Variants in SORCS2 observed in about 807,000 individuals in gnomAD.
The protein encoded by SORCS2 is sortilin related VPS10 domain containing receptor 2.
In SORCS2, 100 loss-of-function variants were observed where a neutral mutation model predicts 141.6. The observed-to-expected ratio is 0.71, with a 90% CI of 0.60 to 0.83. The LOEUF is 0.83. Ranked by LOEUF, SORCS2 falls within the 40% of genes least tolerant of loss-of-function variation. The probability of loss-of-function intolerance (pLI) is 0.00; values close to 1 mark genes in which losing one functional copy is unlikely to be tolerated. For synonymous variants in SORCS2, 789 were observed against 676.9 expected, an observed-to-expected ratio of 1.17 and a Z score of -2.57; for missense variants, 1,646 against 1,560.2, an observed-to-expected ratio of 1.05 and a Z score of -0.93.
chr4:7,656,328 C>T (rs1022545825), intron 5 of SORCS2, among the ~76,000 whole-genome samples: 10 of 152,074 alleles, frequency 6.6e-5, no homozygotes, highest in Admixed American at 2.6e-4. Context: ...AGTGTCTCCA[C>T]GCCCCAGAAC....
chr4:7,395,192 C>G (rs751795915), intron 1 of SORCS2, among the ~76,000 whole-genome samples: 2 of 140,326 alleles, frequency 1.4e-5, no homozygotes, highest in African/African-American at 2.7e-5. Context: ...CCTCCCTGCT[C>G]AAATCACCAG....
intron 10 of SORCS2, 66 bp from the exon 11 acceptor site, chr4:7,689,420 G>T: frequency 6.8e-7 from 1 of 1,474,972 alleles, no homozygotes; most frequent in Non-Finnish European, 9.2e-7. Flanking sequence ...TTTGTCATCA[G>T]GCTTAGTTTT....
At chr4:7,656,930 T>C (rs1721816001) in intron 5 of SORCS2, among the ~76,000 whole-genome samples, 1 of 152,248 alleles carries the variant, frequency 6.6e-6, no homozygotes, top group Non-Finnish European at 1.5e-5. Flanking sequence ...ACTCACTCCC[T>C]GAGGGCCGCC....
intron 1 of SORCS2, among the ~76,000 whole-genome samples, chr4:7,229,204 C>T (rs916383201): frequency 6.6e-6 from 1 of 152,158 alleles, no homozygotes; most frequent in African/African-American, 2.4e-5. Flanking sequence ...AAGGGTGGCC[C>T]CATCTCTGCA....
intron 24 of SORCS2, 33 bp downstream of exon 24, chr4:7,733,454 T>C: frequency 3.3e-6 from 5 of 1,515,394 alleles, no homozygotes; most frequent in Non-Finnish European, 3.6e-6. Flanking sequence ...GCGGAATGGG[T>C]GGAGGAGGCA....
chr4:7,513,647 C>T (rs75152833), intron 2 of SORCS2, among the ~76,000 whole-genome samples: 357 of 152,320 alleles, frequency 2.3e-3, no homozygotes, highest in Non-Finnish European at 3.9e-3. Context: ...TGGATCCCTG[C>T]AGTACCCCAA....
At chr4:7,327,000 C>T (rs1719307876) in intron 1 of SORCS2, among the ~76,000 whole-genome samples, 1 of 152,232 alleles carries the variant, frequency 6.6e-6, no homozygotes, top group South Asian at 2.1e-4. Flanking sequence ...CCACCCCTGC[C>T]CACAGCTGCT....
chr4:7,419,469 C>T (rs1725901647), intron 2 of SORCS2, among the ~76,000 whole-genome samples: 1 of 152,176 alleles, frequency 6.6e-6, no homozygotes, highest in African/African-American at 2.4e-5. Flanking sequence ...TAGCAATGGG[C>T]CTTGTATTGA....
intron 1 of SORCS2, among the ~76,000 whole-genome samples, chr4:7,368,433 C>T (rs1003047162): frequency 3.9e-5 from 6 of 152,230 alleles, no homozygotes; most frequent in South Asian, 2.1e-4. Flanking sequence ...CTTGACTGCC[C>T]GGACCTGCTG....
At position 7,357,405 on chromosome 4, in the gene SORCS2, T is replaced by C. The variant is rs149433316; in HGVS notation, c.481-38883T>C. ...GACAGACTCGTAGGCACTGGCAGCT[T>C]GTCTGAGACTGGGAACGTTGGCCTA... On this transcript the variant is annotated intron_variant, in intron 1 of 26. Coordinates refer to ENST00000507866, the MANE Select transcript of SORCS2 (RefSeq NM_020777.3). Among the ~76,000 whole-genome samples, 1,003 of 152,324 alleles carry C rather than the reference T, an allele frequency of 6.6e-3. 11 individuals are homozygous for C. The highest frequency in any genetic ancestry group is 0.023 in the African/African-American group (959 of 41,570).
chr4:7,610,181 C>T (rs562465281), intron 3 of SORCS2, among the ~76,000 whole-genome samples: 111 of 152,136 alleles, frequency 7.3e-4, no homozygotes, highest in Non-Finnish European at 1.4e-3. Flanking sequence ...AAATGTGTTC[C>T]GAAGATGCAA....
intron 1 of SORCS2, among the ~76,000 whole-genome samples, chr4:7,254,219 C>A (rs976878352): frequency 6.6e-6 from 1 of 152,148 alleles, no homozygotes; most frequent in African/African-American, 2.4e-5. Context: ...TATACCTATT[C>A]GTATGTGTAT....
intron 2 of SORCS2, among the ~76,000 whole-genome samples, chr4:7,475,541 G>A (rs1730238908): frequency 6.6e-6 from 1 of 152,204 alleles, no homozygotes; most frequent in Non-Finnish European, 1.5e-5. Context: ...GGCCAGCCCA[G>A]CTGCCCCCCT....
At chr4:7,225,402 C>T (rs899487615) in intron 1 of SORCS2, among the ~76,000 whole-genome samples, 4 of 152,238 alleles carry the variant, frequency 2.6e-5, no homozygotes, top group Admixed American at 6.5e-5. Context: ...TGCAAAGGAG[C>T]ACTGAGAACA....
In SORCS2 at chr4:7,571,000, A is replaced by G. The variant is rs550050081; in HGVS notation, c.648+39371A>G. Among the ~76,000 whole-genome samples, 30 of 152,258 alleles carry G rather than the reference A, an allele frequency of 2.0e-4. No individual in the cohort carries two copies. In the South Asian group the frequency reaches 5.6e-3, roughly 28 times the overall value. ...GACTTCAGAGGCGCAGCCACTCTCC[A>G]AGGAAATCCCTGCCTGTGGCTTTAG... On this transcript the variant is annotated intron_variant, in intron 3 of 26. Transcript: ENST00000507866.
intron 2 of SORCS2, among the ~76,000 whole-genome samples, chr4:7,516,932 G>C (rs1335962553): frequency 6.6e-6 from 1 of 152,190 alleles, no homozygotes; most frequent in Non-Finnish European, 1.5e-5. Flanking sequence ...AGGCTGCAGT[G>C]TTCAAGCTCA....
intron 1 of SORCS2, among the ~76,000 whole-genome samples, chr4:7,341,418 C>T (rs1267695312): frequency 6.6e-6 from 1 of 152,226 alleles, no homozygotes; most frequent in Non-Finnish European, 1.5e-5. Context: ...CTTTGTCCCT[C>T]TCCTCGTCTT....
chr4:7,314,150 C>T (rs941554613), intron 1 of SORCS2, among the ~76,000 whole-genome samples: 10 of 152,178 alleles, frequency 6.6e-5, no homozygotes, highest in African/African-American at 2.2e-4. Flanking sequence ...CTGTGCCGTG[C>T]GGTGAGGGGG....
chr4:7,676,744 ACCC>A (rs1560475359), intron 9 of SORCS2, among the ~76,000 whole-genome samples: 11 of 42,690 alleles, frequency 2.6e-4, no homozygotes, highest in Non-Finnish European at 3.8e-4. Flanking sequence ...CCCTCTCTCC[ACCC>A]CCGCCCTGTC....
Sources: allele counts gnomAD v4.1 joint callset (sites outside exome capture counted in the v4.1 genomes callset), GRCh38; gene constraint gnomAD v4.1.1; transcripts MANE v1.5; gene names NCBI Gene and HGNC (gene_info 2026-07-23, HGNC 2026-07-21).